The following NOC3L variants were observed in gnomAD, a reference collection of about 807,000 sequenced individuals.
NOC3L encodes NOC3 like DNA replication regulator, also known as nucleolar complex protein 3 homolog.
In NOC3L, 85 loss-of-function variants were observed where a neutral mutation model predicts 102.5. That is an observed-to-expected ratio of 0.83 (90% confidence interval 0.70 to 0.99). NOC3L has a LOEUF of 0.99. Among genes scored for constraint, NOC3L ranks in the 50% least tolerant of loss-of-function variants. NOC3L has a pLI of 0.00. For synonymous variants in NOC3L, 303 were observed against 309.4 expected (o/e 0.98, Z 0.22); for missense variants, 878 against 914.9 (o/e 0.96, Z 0.52).
rs991553681 is a variant in NOC3L at position 94,362,907 on chromosome 10, G to A, written c.-69C>T. On this transcript the variant is annotated 5_prime_UTR_variant, in exon 1 of 21. Transcript: ENST00000371361. ...GCAGGGTTACTACAGAAATCCCGGG[G>A]AATGACACACGTGCCGAAGTCCCTA... The A allele has an allele frequency of 2.5e-5, 41 of 1,612,998 alleles. No homozygotes were observed. Among genetic ancestry groups the A allele is most frequent in the Admixed American group, 5.0e-5 (3 of 59,990 alleles).
intron 13 of NOC3L, 49 bp from the exon 14 acceptor site, chr10:94,341,794 G>T: frequency 9.1e-7 from 1 of 1,102,574 alleles, no homozygotes; most frequent in Non-Finnish European, 1.3e-6. Context: ...CAGAAATAAA[G>T]CTGGTAGAAA....
chr10:94,340,682 C>A (rs948677400), intron 14 of NOC3L, among the ~76,000 whole-genome samples, 186 bp from the exon 15 acceptor site: 1 of 151,692 alleles, frequency 6.6e-6, no homozygotes, highest in Non-Finnish European at 1.5e-5. Context: ...GGCAACATGG[C>A]AAAAACCCAT....
chr10:94,326,405 C>A, the NOC3L span, among the ~76,000 whole-genome samples: 2 of 152,104 alleles, frequency 1.3e-5, no homozygotes, highest in African/African-American at 4.8e-5. Context: ...AACTGATGTC[C>A]TATATTACAC....
At chr10:94,356,405 G>T in intron 5 of NOC3L, 130 bp downstream of exon 5, 1 of 647,476 alleles carries the variant, frequency 1.5e-6, no homozygotes. Context: ...GTGGAAAAAT[G>T]TTCAAAGTGA....
At chr10:94,327,211 A>C in the NOC3L span, among the ~76,000 whole-genome samples, 1 of 152,200 alleles carries the variant, frequency 6.6e-6, no homozygotes, top group African/African-American at 2.4e-5. Context: ...CATCTATGTG[A>C]ATTGACATCC....
the NOC3L span, among the ~76,000 whole-genome samples, chr10:94,322,356 T>C: frequency 1.3e-5 from 2 of 151,400 alleles, no homozygotes; most frequent in African/African-American, 2.4e-5. Flanking sequence ...CTGTCTCTAA[T>C]TGAAAAAAAA....
chr10:94,340,244 A>G (rs370506679), intron 16 of NOC3L, 32 bp downstream of exon 16: 3 of 1,523,784 alleles, frequency 2.0e-6, no homozygotes, highest in African/African-American at 1.4e-5. Context: ...ACATAAATAC[A>G]TATAAAAGAA....
At chr10:94,347,944 G>A (rs888328775) in intron 10 of NOC3L, among the ~76,000 whole-genome samples, 12 of 151,610 alleles carry the variant, frequency 7.9e-5, no homozygotes, top group African/African-American at 2.7e-4. Context: ...AAATAAATAA[G>A]AATATTGTGG....
chr10:94,339,971 C>T lies in NOC3L; in HGVS notation c.1781-51G>A, dbSNP rs111807395. On this transcript the variant is annotated intron_variant, in intron 16 of 20. Coordinates refer to ENST00000371361, the MANE Select transcript of NOC3L (RefSeq NM_022451.11). ...AGCTGTTCTCATTACTTTTTCATTA[C>T]GCAACTGGACTGAACTTCAGATAAA... 5.8e-5 allele frequency: 86 copies of T among 1,476,626 alleles called. 1 individual carries two copies. In the African/African-American group the frequency reaches 7.6e-4, roughly 13 times the overall value. The allele number at this position is 1,476,626 out of a possible 1,614,324, so 91.5% of individuals were successfully genotyped here. A position where few individuals can be genotyped will look rare whatever the true frequency, so the allele number is the denominator to read the frequency against.
In NOC3L at chr10:94,362,918, G is replaced by T; in HGVS notation, c.-80C>A. 2 of 1,608,786 alleles carry T rather than the reference G, an allele frequency of 1.2e-6. No homozygotes were observed. ...ACAGAAATCCCGGGGAATGACACAC[G>T]TGCCGAAGTCCCTACACTACCAGAG... On this transcript the variant is annotated 5_prime_UTR_variant, in exon 1 of 21. Transcript: ENST00000371361.
chr10:94,338,764 G>C, intron 17 of NOC3L, 28 bp from the exon 18 acceptor site: 1 of 1,599,534 alleles, frequency 6.3e-7, no homozygotes, highest in Non-Finnish European at 8.5e-7. Flanking sequence ...AAAAAGAATT[G>C]GTTAAATTAA....
chr10:94,353,664 T>C (rs2054449392), intron 6 of NOC3L, among the ~76,000 whole-genome samples: 1 of 152,212 alleles, frequency 6.6e-6, no homozygotes, highest in African/African-American at 2.4e-5. Context: ...ATTTTTGTCA[T>C]ATAGTTAGAA....
At chr10:94,357,108 A>G (rs1164743437) in intron 4 of NOC3L, 66 bp downstream of exon 4, 2 of 1,184,246 alleles carry the variant, frequency 1.7e-6, no homozygotes, top group South Asian at 2.3e-5. Flanking sequence ...ATTTTGAGTG[A>G]AAAAAAAACA....
intron 14 of NOC3L, 22 bp from the exon 15 acceptor site, chr10:94,340,518 G>C (rs369999327): frequency 4.2e-6 from 4 of 943,946 alleles, no homozygotes; most frequent in Non-Finnish European, 4.8e-6. Flanking sequence ...AAAGGGGGGG[G>C]TGAGGGGGAT....
chr10:94,327,876 T>C, the NOC3L span: 3 of 420,456 alleles, frequency 7.1e-6, no homozygotes, highest in South Asian at 3.8e-5. Context: ...ACTAGAGCTG[T>C]GGCTGGAAAA....
At chr10:94,317,209 C>T in the NOC3L span, among the ~76,000 whole-genome samples, 4 of 152,032 alleles carry the variant, frequency 2.6e-5, no homozygotes, top group Non-Finnish European at 2.9e-5. Flanking sequence ...GAGCTGAGAT[C>T]GTGCCATTGT....
Position 94,337,871 on chromosome 10 carries a change from G to T in NOC3L, c.2095C>A (p.His699Asn), listed in dbSNP as rs1299350874. The T allele has an allele frequency of 6.2e-7, 1 of 1,611,296 alleles. No homozygotes were observed. Among genetic ancestry groups the T allele is most frequent in the Non-Finnish European group, 8.5e-7 (1 of 1,177,550 alleles). Residue 699 changes from histidine to asparagine, a missense_variant, in exon 19 of 21, where the codon CAT becomes AAT. His to Asn is a moderately conservative substitution (Grantham distance 68). Coordinates refer to ENST00000371361, the MANE Select transcript of NOC3L (RefSeq NM_022451.11). ...AATCTCTGCACTATGGGATGATAATGCCTCTGAAGGGAAAACGGGACAATC... is the reference window on the plus strand; with the variant it reads ...AATCTCTGCACTATGGGATGATAATTCCTCTGAAGGGAAAACGGGACAATC... ...ALWELHALRR[H>N]YHPIVQRFAA...
intron 12 of NOC3L, 43 bp from the exon 13 acceptor site, chr10:94,344,558 A>G: frequency 7.2e-7 from 1 of 1,381,874 alleles, no homozygotes; most frequent in Non-Finnish European, 1.0e-6. Context: ...ATAACCTGGT[A>G]TGCTTTCTCC....
At chr10:94,325,055 G>A in the NOC3L span, 1 of 1,614,038 alleles carries the variant, frequency 6.2e-7, no homozygotes, top group Non-Finnish European at 8.5e-7. Context: ...TTGTCCTCCA[G>A]TGACACAATG....
Sources: gnomAD v4.1 joint callset for allele counts (sites outside exome capture counted in the v4.1 genomes callset) on GRCh38, gnomAD v4.1.1 for gene constraint, MANE v1.5 for transcripts, NCBI Gene and HGNC (gene_info 2026-07-23, HGNC 2026-07-21) for gene names.